The following CAMKMT variants were observed in gnomAD, a reference collection of about 807,000 sequenced individuals.
CAMKMT encodes the protein CaM KMT.
Under a neutral mutation model 48.0 loss-of-function variants are expected in CAMKMT, and 53 were observed. That is an observed-to-expected ratio of 1.10 (90% CI 0.89 to 1.39). The LOEUF (loss-of-function observed/expected upper bound fraction) is 1.39. CAMKMT is among the 40% of genes most tolerant of loss of function. The probability of loss-of-function intolerance (pLI) is 0.00; values close to 1 mark genes in which losing one functional copy is unlikely to be tolerated. For missense variants in CAMKMT, 428 were observed against 402.7 expected (o/e 1.06, Z -0.54); for synonymous variants, 165 against 152.3 (o/e 1.08, Z -0.61).
At chr2:44,560,839 A>T (rs7567272) in intron 3 of CAMKMT, among the ~76,000 whole-genome samples, 94,131 of 152,042 alleles carry the variant, frequency 0.62, 29,659 homozygotes, top group Admixed American at 0.69. Flanking sequence ...GTTGTTTCAG[A>T]ACCCTGGAGT....
intron 3 of CAMKMT, among the ~76,000 whole-genome samples, chr2:44,520,869 C>T (rs915557363): frequency 6.6e-5 from 10 of 152,088 alleles, no homozygotes; most frequent in African/African-American, 2.2e-4. Flanking sequence ...CTGGCATTTC[C>T]CTTGCTTGCA....
intron 10 of CAMKMT, among the ~76,000 whole-genome samples, chr2:44,768,357 ATATATTTTT>A (rs1191199168): frequency 3.1e-5 from 3 of 96,042 alleles, no homozygotes; most frequent in Non-Finnish European, 4.1e-5. Context: ...ATATATATAT[ATATATTTTT>A]TTTTTTTTTT....
intron 9 of CAMKMT, among the ~76,000 whole-genome samples, chr2:44,765,779 CAT>C (rs1457301009): frequency 3.9e-5 from 6 of 152,152 alleles, no homozygotes; most frequent in Non-Finnish European, 5.9e-5. Flanking sequence ...GAAAAGCAAT[CAT>C]GTGAATACTA....
intron 3 of CAMKMT, among the ~76,000 whole-genome samples, chr2:44,689,009 C>G (rs1372095061): frequency 1.3e-5 from 2 of 152,116 alleles, no homozygotes; most frequent in Non-Finnish European, 2.9e-5. Flanking sequence ...TGTTTACCTG[C>G]AAATGAGATA....
chr2:44,454,837 G>T (rs964670798), intron 3 of CAMKMT, among the ~76,000 whole-genome samples: 3 of 152,044 alleles, frequency 2.0e-5, no homozygotes, highest in African/African-American at 7.2e-5. Flanking sequence ...GAAAGAATTG[G>T]TACACATCTA....
intron 3 of CAMKMT, among the ~76,000 whole-genome samples, chr2:44,608,362 G>A (rs1283986704): frequency 6.6e-6 from 1 of 151,828 alleles, no homozygotes; most frequent in African/African-American, 2.4e-5. Flanking sequence ...ATGAGCCACC[G>A]CACCCAGCCT....
chr2:44,393,818 T>A (rs1224239700), intron 3 of CAMKMT, among the ~76,000 whole-genome samples: 1 of 152,208 alleles, frequency 6.6e-6, no homozygotes, highest in East Asian at 1.9e-4. Context: ...GGGCAGGGAC[T>A]CCTTTCTAGC....
chr2:44,572,964 G>C (rs1669001828), intron 3 of CAMKMT, among the ~76,000 whole-genome samples: 1 of 152,124 alleles, frequency 6.6e-6, no homozygotes, highest in Non-Finnish European at 1.5e-5. Flanking sequence ...CTAATGATTA[G>C]GAATGTTAAT....
chr2:44,477,147 A>G (rs929010749), intron 3 of CAMKMT, among the ~76,000 whole-genome samples: 4 of 152,216 alleles, frequency 2.6e-5, no homozygotes, highest in Non-Finnish European at 5.9e-5. Flanking sequence ...TTTAATCACT[A>G]TCTTTTAGAA....
intron 3 of CAMKMT, among the ~76,000 whole-genome samples, chr2:44,547,465 C>T (rs1667470418): frequency 2.0e-5 from 3 of 152,018 alleles, no homozygotes; most frequent in East Asian, 1.9e-4. Flanking sequence ...GGCTGTAGTG[C>T]ACCATGATCA....
chr2:44,716,239 C>A (rs1386200349), intron 7 of CAMKMT, among the ~76,000 whole-genome samples: 1 of 152,094 alleles, frequency 6.6e-6, no homozygotes, highest in African/African-American at 2.4e-5. Flanking sequence ...CACTTTCCCA[C>A]CCCAACTTCC....
At chr2:44,368,113 A>C (rs1243377483) in intron 1 of CAMKMT, among the ~76,000 whole-genome samples, 2 of 152,170 alleles carry the variant, frequency 1.3e-5, no homozygotes, top group Admixed American at 1.3e-4. Flanking sequence ...ATCTTTTGAC[A>C]TGAACTTATT....
At chr2:44,602,132 A>G (rs921533109) in intron 3 of CAMKMT, among the ~76,000 whole-genome samples, 2 of 151,896 alleles carry the variant, frequency 1.3e-5, no homozygotes, top group Admixed American at 1.3e-4. Flanking sequence ...CAGCCTCTCT[A>G]GTAGCTGGGA....
chr2:44,666,021 C>A (rs1674946863), intron 3 of CAMKMT, among the ~76,000 whole-genome samples: 1 of 152,164 alleles, frequency 6.6e-6, no homozygotes, highest in Non-Finnish European at 1.5e-5. Context: ...AATAGGCAAG[C>A]CATGTGAATT....
intron 3 of CAMKMT, among the ~76,000 whole-genome samples, chr2:44,453,420 A>G (rs1233406433): frequency 6.6e-6 from 1 of 152,052 alleles, no homozygotes; most frequent in East Asian, 1.9e-4. Context: ...AATGCAAGTA[A>G]TCTAAACATA....
At chr2:44,712,751 C>G (rs1010466897) in intron 6 of CAMKMT, among the ~76,000 whole-genome samples, 2 of 152,038 alleles carry the variant, frequency 1.3e-5, no homozygotes, top group African/African-American at 4.8e-5. Context: ...ACGATTTGGC[C>G]CGTTGTGTTG....
At chr2:44,721,024 G>T (rs1678435490) in intron 7 of CAMKMT, among the ~76,000 whole-genome samples, 1 of 152,076 alleles carries the variant, frequency 6.6e-6, no homozygotes, top group African/African-American at 2.4e-5. Flanking sequence ...ACCTCAGTGG[G>T]TTATTGTTTT....
intron 3 of CAMKMT, among the ~76,000 whole-genome samples, chr2:44,495,385 C>G (rs962026112): frequency 6.6e-6 from 1 of 152,144 alleles, no homozygotes; most frequent in Non-Finnish European, 1.5e-5. Context: ...CTCAAGCAAT[C>G]CTCCTGCCTT....
intron 7 of CAMKMT, among the ~76,000 whole-genome samples, chr2:44,716,280 C>G (rs746863874): frequency 6.6e-6 from 1 of 152,070 alleles, no homozygotes. Flanking sequence ...GTTATATAAA[C>G]TACTCATTAA....
Sources: allele counts gnomAD v4.1 joint callset (sites outside exome capture counted in the v4.1 genomes callset), GRCh38; gene constraint gnomAD v4.1.1; transcripts MANE v1.5; gene names NCBI Gene and HGNC (gene_info 2026-07-23, HGNC 2026-07-21).